The following CSNK1G1 variants were observed in gnomAD, a reference collection of about 807,000 sequenced individuals.
CSNK1G1 encodes casein kinase I isoform gamma-1.
A neutral mutation model predicts 59.6 loss-of-function variants in CSNK1G1; 22 were observed. That is an observed-to-expected ratio of 0.37 (90% CI 0.26 to 0.53). The LOEUF (loss-of-function observed/expected upper bound fraction) is 0.53. CSNK1G1 is among the 20% of genes least tolerant of loss of function. CSNK1G1 has a pLI of 0.89. For synonymous variants in CSNK1G1, 179 were observed against 177.1 expected (o/e 1.01, Z -0.08); for missense variants, 384 against 519.5 (o/e 0.74, Z 2.54).
chr15:64,347,012 C>T (rs1898014297), intron 1 of CSNK1G1, among the ~76,000 whole-genome samples: 1 of 152,260 alleles, frequency 6.6e-6, no homozygotes, highest in East Asian at 1.9e-4. Flanking sequence ...TGAACAGATA[C>T]CTCATCCAAA....
At chr15:64,347,026 G>A (rs1377729896) in intron 1 of CSNK1G1, among the ~76,000 whole-genome samples, 1 of 152,050 alleles carries the variant, frequency 6.6e-6, no homozygotes, top group African/African-American at 2.4e-5. Context: ...ATCCAAAAAG[G>A]TATAGAAATG....
At chr15:64,299,847 T>C (rs1443019176) in intron 2 of CSNK1G1, among the ~76,000 whole-genome samples, 2 of 152,100 alleles carry the variant, frequency 1.3e-5, no homozygotes, top group Non-Finnish European at 2.9e-5. Flanking sequence ...CCAAACAGGA[T>C]GTACTGTATA....
intron 10 of CSNK1G1, among the ~76,000 whole-genome samples, chr15:64,191,627 G>A (rs778105609): frequency 9.9e-5 from 15 of 152,072 alleles, no homozygotes; most frequent in Admixed American, 3.9e-4. Context: ...TTTTTCAAAG[G>A]CCTAAAAATC....
Position 64,222,654 on chromosome 15 carries a change from C to T in CSNK1G1, c.293-5941G>A, listed in dbSNP as rs574878966. Among the ~76,000 whole-genome samples the T allele has an allele frequency of 8.7e-5, 13 of 149,388 alleles. No homozygotes were observed. In the East Asian group the frequency reaches 2.6e-3, roughly 29 times the overall value. The stretch of plus-strand genomic sequence containing the variant: ...GAAACTCAACTGGAAGTGTATCTAT[C>T]AGAAATATCTTTAAAACTTAAAAAA... On this transcript the variant is annotated intron_variant, in intron 4 of 11. Transcript: ENST00000303052.
intron 9 of CSNK1G1, 124 bp from the exon 10 acceptor site, chr15:64,203,313 T>G: frequency 1.4e-6 from 1 of 699,198 alleles, no homozygotes; most frequent in East Asian, 2.8e-5. Context: ...AAGAGCACTT[T>G]CAAGTTGTCT....
intron 3 of CSNK1G1, among the ~76,000 whole-genome samples, chr15:64,257,710 G>A (rs1053390721): frequency 6.6e-6 from 1 of 152,060 alleles, no homozygotes; most frequent in Admixed American, 6.6e-5. Flanking sequence ...TTTTTGTAGA[G>A]ACAGGGTTTT....
rs2081603329 is a variant in CSNK1G1 at position 64,166,365 on chromosome 15, T to G, written c.*5566A>C. On this transcript the variant is annotated 3_prime_UTR_variant, in exon 12 of 12. Coordinates refer to ENST00000303052, the MANE Select transcript of CSNK1G1 (RefSeq NM_022048.5). The surrounding 1 kb of genome is among the most constrained non-coding windows in gnomAD (Gnocchi z 4.5). Reference sequence around the variant, plus strand: ...TTATCTTTATCTTTTCTGCTGTTATTTTTTTTCTCTGCTTGATAAAATGGG... The same window carrying G: ...TTATCTTTATCTTTTCTGCTGTTATGTTTTTTCTCTGCTTGATAAAATGGG... The G allele has an allele frequency of 5.3e-6, 1 of 189,734 alleles. No homozygotes were observed. The highest frequency in any genetic ancestry group is 2.3e-5 in the African/African-American group (1 of 42,982). 11.8% of individuals were successfully genotyped at this position (189,734 alleles called of 1,614,324 possible).
intron 10 of CSNK1G1, among the ~76,000 whole-genome samples, chr15:64,196,816 T>G (rs1301892980): frequency 6.6e-6 from 1 of 150,418 alleles, no homozygotes; most frequent in African/African-American, 2.4e-5. Context: ...TAAACACCCC[T>G]CCCCTTGAGC....
At chr15:64,351,529 A>G (rs1898284897) in intron 1 of CSNK1G1, among the ~76,000 whole-genome samples, 1 of 152,224 alleles carries the variant, frequency 6.6e-6, no homozygotes, top group African/African-American at 2.4e-5. Flanking sequence ...ATTGCACACA[A>G]TTAAGATAGA....
At chr15:64,283,946 T>C (rs1894276571) in intron 2 of CSNK1G1, among the ~76,000 whole-genome samples, 1 of 152,246 alleles carries the variant, frequency 6.6e-6, no homozygotes, top group Admixed American at 6.5e-5. Flanking sequence ...ATGTTTGTTT[T>C]TTTTAAGACT....
chr15:64,232,494 A>C (rs1303685252), intron 4 of CSNK1G1, among the ~76,000 whole-genome samples: 1 of 152,328 alleles, frequency 6.6e-6, no homozygotes, highest in South Asian at 2.1e-4. Flanking sequence ...GTAGATACAT[A>C]ATTCTGCCTT....
chr15:64,346,812 T>A (rs1898003258), intron 1 of CSNK1G1, among the ~76,000 whole-genome samples: 1 of 151,936 alleles, frequency 6.6e-6, no homozygotes, highest in African/African-American at 2.4e-5. Flanking sequence ...AGAGAAGAGG[T>A]TAACTTGGAC....
chr15:64,333,112 C>G (rs1897199969), intron 1 of CSNK1G1, among the ~76,000 whole-genome samples: 1 of 151,274 alleles, frequency 6.6e-6, no homozygotes, highest in Non-Finnish European at 1.5e-5. Flanking sequence ...CAAAACTTAG[C>G]CAGGTATGGT....
At chr15:64,272,182 G>A (rs2140351015) in intron 2 of CSNK1G1, among the ~76,000 whole-genome samples, 1 of 151,488 alleles carries the variant, frequency 6.6e-6, no homozygotes, top group Middle Eastern at 3.5e-3. Flanking sequence ...CATACTATTG[G>A]GTCTTGCTTT....
At position 64,180,082 on chromosome 15, in the gene CSNK1G1, C is replaced by T. The variant is rs2081791943; in HGVS notation, c.1214+266G>A. The T allele has an allele frequency of 1.8e-5, 7 of 392,320 alleles. No homozygotes were observed. The South Asian group carries it at 2.2e-4, about 13-fold the overall frequency. 24.3% of individuals were successfully genotyped at this position (392,320 alleles called of 1,614,324 possible). A position where few individuals can be genotyped will look rare whatever the true frequency, so the allele number is the denominator to read the frequency against. On this transcript the variant is annotated intron_variant, in intron 11 of 11. Transcript: ENST00000303052. ...CCCCAAGAAGCTCATGGCTACTATCCACTGTAGCCCTGATAACATGATTCT... is the reference window on the plus strand; with the variant it reads ...CCCCAAGAAGCTCATGGCTACTATCTACTGTAGCCCTGATAACATGATTCT...
At chr15:64,278,406 GTGTGTGTGTGTGTATA>G (rs1435266025) in intron 2 of CSNK1G1, among the ~76,000 whole-genome samples, 34 of 128,928 alleles carry the variant, frequency 2.6e-4, no homozygotes, top group East Asian at 4.2e-4. Context: ...GTGTGTGTGT[GTGTGTGTGTGTGTATA>G]TATATATATA....
chr15:64,181,149 G>A (rs1706182659), intron 10 of CSNK1G1: 1 of 1,480,186 alleles, frequency 6.8e-7, no homozygotes, highest in Non-Finnish European at 8.9e-7. Flanking sequence ...GAGGGAAGAT[G>A]GTAAAAAAAC....
intron 10 of CSNK1G1, among the ~76,000 whole-genome samples, chr15:64,193,012 CT>C (rs2081992899): frequency 6.6e-6 from 1 of 152,046 alleles, no homozygotes; most frequent in Non-Finnish European, 1.5e-5. Flanking sequence ...ATTTTGGCCT[CT>C]CATGTAAGTC....
Position 64,207,577 on chromosome 15 carries a change from C to A in CSNK1G1, c.697G>T (p.Asp233Tyr). 2 of 1,613,862 alleles carry A rather than the reference C, an allele frequency of 1.2e-6. No homozygotes were observed. Among genetic ancestry groups the A allele is most frequent in the South Asian group, 1.1e-5 (1 of 91,066 alleles). ...AACATATGGCCTAGGGCTTCCAAAT[C>A]ATCTCTCCGGCTTTGCTCTAAAAGG... ...HLGKEQSRRD[D>Y]LEALGHMFMY... Residue 233 changes from aspartate (D) to tyrosine (Y), a missense_variant, in exon 7 of 12, where the codon GAT becomes TAT. Physicochemically the swap from Asp to Tyr is radical, Grantham distance 160. This residue lies in a region of CSNK1G1 where 325 missense variants were observed against 440.9 expected (regional missense o/e 0.74). Transcript: ENST00000303052.
Sources: allele counts gnomAD v4.1 joint callset (sites outside exome capture counted in the v4.1 genomes callset), GRCh38; gene constraint gnomAD v4.1.1; regional missense constraint gnomAD v4.1.1; non-coding constraint Gnocchi (gnomAD v3.1); transcripts MANE v1.5; gene names NCBI Gene and HGNC (gene_info 2026-07-23, HGNC 2026-07-21).